ABCC4: variants seen among roughly 807,000 people sequenced by gnomAD.
ABCC4 encodes ATP binding cassette subfamily C member 4 (PEL blood group).
ABCC4 carries 102 observed loss-of-function variants against 168.5 expected under a neutral mutation model. The ratio of observed to expected loss-of-function variants is 0.61; its 90% CI spans 0.52 to 0.71. ABCC4 has a LOEUF of 0.71. Among genes scored for constraint, ABCC4 ranks in the 30% least tolerant of loss-of-function variants. The pLI, the probability that ABCC4 is intolerant of heterozygous loss-of-function variation, is 0.00. For synonymous variants in ABCC4, 617 were observed against 590.7 expected (o/e 1.04, Z -0.65); for missense variants, 1,402 against 1,605.8 (o/e 0.87, Z 2.17).
intron 4 of ABCC4, among the ~76,000 whole-genome samples, chr13:95,222,186 A>C (rs924803046): frequency 6.6e-6 from 1 of 151,318 alleles, no homozygotes; most frequent in African/African-American, 2.4e-5. Context: ...TATACTGTAC[A>C]CTTGGAGCTC....
intron 21 of ABCC4, among the ~76,000 whole-genome samples, chr13:95,080,139 C>T (rs2034040004): frequency 6.6e-6 from 1 of 152,134 alleles, no homozygotes; most frequent in Admixed American, 6.5e-5. Context: ...AACAAAGTCC[C>T]TGGGAATCTA....
rs116074952 is a variant in ABCC4, at chr13:95,170,947, C to T, written c.1728-319G>A. Among the ~76,000 whole-genome samples, 252 of 151,772 alleles carry T rather than the reference C, an allele frequency of 1.7e-3. 1 individual carries two copies. Among genetic ancestry groups the T allele is most frequent in the African/African-American group, 5.2e-3 (217 of 41,360 alleles). On this transcript the variant is annotated intron_variant, in intron 13 of 30. Coordinates refer to ENST00000645237, the MANE Select transcript of ABCC4 (RefSeq NM_005845.5). Reference sequence around the variant, plus strand: ...ACTAAAACACTAATTATTTTATTGCCGTGTAGGATTGCAGGGGAGAAAGAA... The same window carrying T: ...ACTAAAACACTAATTATTTTATTGCTGTGTAGGATTGCAGGGGAGAAAGAA...
intron 26 of ABCC4, among the ~76,000 whole-genome samples, chr13:95,060,582 A>T (rs1696945058): frequency 6.6e-6 from 1 of 152,226 alleles, no homozygotes; most frequent in Admixed American, 6.5e-5. Flanking sequence ...CATAACCAAA[A>T]TATAAAACTT....
intron 20 of ABCC4, among the ~76,000 whole-genome samples, chr13:95,113,591 T>C: frequency 6.7e-6 from 1 of 148,502 alleles, no homozygotes; most frequent in East Asian, 1.9e-4. Context: ...AAAAATTACA[T>C]TTAGATTTTT....
chr13:95,263,212 A>T (rs554686227), intron 1 of ABCC4, among the ~76,000 whole-genome samples: 18 of 152,266 alleles, frequency 1.2e-4, no homozygotes, highest in South Asian at 4.2e-4. Flanking sequence ...ATTATATATT[A>T]AAAAAGGTGT....
intron 10 of ABCC4, among the ~76,000 whole-genome samples, chr13:95,187,887 A>G (rs1209300632): frequency 6.6e-6 from 1 of 152,140 alleles, no homozygotes; most frequent in East Asian, 1.9e-4. Flanking sequence ...AGCACTTACG[A>G]CACTGAACTG....
chr13:95,157,106 A>G (rs1030864011), intron 19 of ABCC4, among the ~76,000 whole-genome samples: 1 of 146,300 alleles, frequency 6.8e-6, no homozygotes, highest in Non-Finnish European at 1.5e-5. Flanking sequence ...ACACACACAC[A>G]CACACACACA....
chr13:95,151,152 A>C (rs772513213), intron 19 of ABCC4, among the ~76,000 whole-genome samples: 1 of 152,174 alleles, frequency 6.6e-6, no homozygotes, highest in East Asian at 1.9e-4. Flanking sequence ...TTTTGATATG[A>C]GATCATAGAT....
At chr13:95,251,130 C>T (rs2040247542) in intron 1 of ABCC4, among the ~76,000 whole-genome samples, 1 of 152,112 alleles carries the variant, frequency 6.6e-6, no homozygotes, top group African/African-American at 2.4e-5. Flanking sequence ...AAACACAGGT[C>T]CCAGCTCCCT....
intron 30 of ABCC4, among the ~76,000 whole-genome samples, chr13:95,022,678 T>C (rs1294283775): frequency 6.6e-6 from 1 of 152,246 alleles, no homozygotes; most frequent in African/African-American, 2.4e-5. Flanking sequence ...ACGTGTCACC[T>C]GGGTCTCTTA....
At chr13:95,027,504 G>T (rs528096805) in intron 30 of ABCC4, among the ~76,000 whole-genome samples, 2 of 152,234 alleles carry the variant, frequency 1.3e-5, no homozygotes, top group South Asian at 2.1e-4. Flanking sequence ...GTAGCCTGAG[G>T]TTTAAAAAGC....
intron 8 of ABCC4, among the ~76,000 whole-genome samples, chr13:95,203,901 T>C (rs1052879248): frequency 8.5e-5 from 13 of 152,192 alleles, no homozygotes; most frequent in African/African-American, 3.1e-4. Context: ...CTCTAGCTTC[T>C]AGTGCAGGCT....
Position 95,188,482 on chromosome 13 carries a change from C to G in ABCC4, c.1324G>C (p.Ala442Pro). The change falls in exon 10 of 31, where the codon GCT becomes CCT. Residue 442 changes from alanine (A) to proline (P), a missense_variant. Physicochemically the swap from Ala to Pro is conservative, Grantham distance 27. Coordinates refer to ENST00000645237, the MANE Select transcript of ABCC4 (RefSeq NM_005845.5). Reference sequence around the variant, plus strand: ...CCTGCTCCCACGGGGCCGACCACAGCTAACAATTCGCCAGGTCTGACAGTA... The same window carrying G: ...CCTGCTCCCACGGGGCCGACCACAGGTAACAATTCGCCAGGTCTGACAGTA... ...SFTVRPGELLAVVGPVGAGKS... is the reference protein window; with the variant it reads ...SFTVRPGELLPVVGPVGAGKS... The G allele has an allele frequency of 6.2e-7, 1 of 1,614,160 alleles. No individual in the cohort carries two copies. The highest frequency in any genetic ancestry group is 8.5e-7 in the Non-Finnish European group (1 of 1,180,008).
chr13:95,149,103 A>G (rs987875902), intron 19 of ABCC4: 2 of 152,324 alleles, frequency 1.3e-5, no homozygotes, highest in Admixed American at 6.5e-5. Flanking sequence ...ATTGTACGAT[A>G]AAACTGCTGA....
intron 8 of ABCC4, among the ~76,000 whole-genome samples, chr13:95,204,218 T>C (rs766670944): frequency 6.6e-6 from 1 of 151,992 alleles, no homozygotes; most frequent in Non-Finnish European, 1.5e-5. Context: ...GGTTCAAAAA[T>C]AGGACTCCAC....
chr13:95,149,313 C>T (rs1384250604), intron 19 of ABCC4, among the ~76,000 whole-genome samples: 1 of 152,182 alleles, frequency 6.6e-6, no homozygotes. Context: ...ATAAGAAATA[C>T]TTCTGTCTAC....
chr13:95,148,614 A>G (rs1358722566), intron 19 of ABCC4, among the ~76,000 whole-genome samples: 1 of 150,976 alleles, frequency 6.6e-6, no homozygotes, highest in Non-Finnish European at 1.5e-5. Flanking sequence ...ACACACACAC[A>G]CACACACACA....
chr13:95,165,259 T>C (rs1043832921), intron 15 of ABCC4, among the ~76,000 whole-genome samples: 2 of 152,114 alleles, frequency 1.3e-5, no homozygotes, highest in Admixed American at 1.3e-4. Context: ...ACACAGTAAC[T>C]GGGGTCAAGC....
intron 20 of ABCC4, among the ~76,000 whole-genome samples, chr13:95,086,451 T>A (rs981837353): frequency 6.6e-6 from 1 of 152,120 alleles, no homozygotes; most frequent in African/African-American, 2.4e-5. Context: ...ATATAAAATT[T>A]CCCCCGGCAG....
Sources: allele counts gnomAD v4.1 joint callset (sites outside exome capture counted in the v4.1 genomes callset), GRCh38; gene constraint gnomAD v4.1.1; transcripts MANE v1.5; gene names NCBI Gene and HGNC (gene_info 2026-07-23, HGNC 2026-07-21).